NCAM2: variants seen among roughly 807,000 people sequenced by gnomAD.
The protein encoded by NCAM2 is neural cell adhesion molecule 2.
Under a neutral mutation model 98.1 loss-of-function variants are expected in NCAM2, and 30 were observed. That is an observed-to-expected ratio of 0.31 (90% CI 0.23 to 0.41). The LOEUF (loss-of-function observed/expected upper bound fraction) is 0.41. Ranked by LOEUF, NCAM2 falls within the 10% of genes least tolerant of loss-of-function variation. NCAM2 has a pLI of 1.00. For synonymous variants in NCAM2, 368 were observed against 342.4 expected (o/e 1.07, Z -0.83); for missense variants, 867 against 1,005.8 (o/e 0.86, Z 1.87).
chr21:21,253,215 G>A (rs1416537213), intron 1 of NCAM2, among the ~76,000 whole-genome samples: 2 of 152,128 alleles, frequency 1.3e-5, no homozygotes, highest in Non-Finnish European at 2.9e-5. Flanking sequence ...GGATGGTTAT[G>A]TTTCAAGTTT....
intron 1 of NCAM2, among the ~76,000 whole-genome samples, chr21:21,003,061 T>G (rs912668003): frequency 2.0e-5 from 3 of 152,170 alleles, no homozygotes; most frequent in Non-Finnish European, 2.9e-5. Flanking sequence ...GGTGCTCTTT[T>G]AAATATTTTA....
chr21:21,261,066 T>C (rs1035729107), intron 1 of NCAM2, among the ~76,000 whole-genome samples: 1 of 152,024 alleles, frequency 6.6e-6, no homozygotes, highest in African/African-American at 2.4e-5. Flanking sequence ...TTTTGTATCA[T>C]ATGTAACAGA....
intron 1 of NCAM2, among the ~76,000 whole-genome samples, chr21:21,242,817 C>G (rs1193051651): frequency 2.6e-5 from 4 of 152,016 alleles, no homozygotes; most frequent in African/African-American, 7.2e-5. Context: ...ATCATGTTAT[C>G]CATTTCTTTG....
At chr21:21,251,370 A>G (rs904083051) in intron 1 of NCAM2, among the ~76,000 whole-genome samples, 8 of 149,182 alleles carry the variant, frequency 5.4e-5, no homozygotes, top group African/African-American at 2.0e-4. Context: ...ATGTGTTCTC[A>G]TCATTCAGCT....
At chr21:21,482,552 T>C (rs1404651365) in intron 15 of NCAM2, among the ~76,000 whole-genome samples, 1 of 151,908 alleles carries the variant, frequency 6.6e-6, no homozygotes, top group Non-Finnish European at 1.5e-5. Flanking sequence ...ATTACTTATG[T>C]ATATTAGATA....
At chr21:21,332,304 G>A (rs779875851) in intron 6 of NCAM2, among the ~76,000 whole-genome samples, 24 of 152,158 alleles carry the variant, frequency 1.6e-4, no homozygotes, top group Non-Finnish European at 3.2e-4. Context: ...ATGCAGTTAA[G>A]TGACTTGGAA....
chr21:21,303,955 A>T (rs2073805700), intron 5 of NCAM2, among the ~76,000 whole-genome samples: 1 of 152,120 alleles, frequency 6.6e-6, no homozygotes, highest in Non-Finnish European at 1.5e-5. Flanking sequence ...CGTAGTTTTA[A>T]CTGGGCTGTT....
At chr21:21,274,679 CTAAA>C (rs538454605) in intron 1 of NCAM2, among the ~76,000 whole-genome samples, 6 of 152,026 alleles carry the variant, frequency 3.9e-5, no homozygotes, top group Admixed American at 2.6e-4. Context: ...TCTATAATTA[CTAAA>C]TAAATATCTT....
In NCAM2 at chr21:21,295,883, A is replaced by G. The variant is rs568557366; in HGVS notation, c.619+3642A>G. On this transcript the variant is annotated intron_variant, in intron 5 of 17. Coordinates refer to ENST00000400546, the MANE Select transcript of NCAM2 (RefSeq NM_004540.5). ...TCTTTAAACAATCAATTTAAGCACC[A>G]TCTGACCTAGGTGTACTTTTGAAAT... Among the ~76,000 whole-genome samples the G allele has an allele frequency of 1.1e-4, 16 of 151,734 alleles. No homozygotes were observed. In the South Asian group the frequency reaches 3.1e-3, roughly 30 times the overall value.
At chr21:21,100,465 T>G (rs2066217020) in intron 1 of NCAM2, among the ~76,000 whole-genome samples, 1 of 151,930 alleles carries the variant, frequency 6.6e-6, no homozygotes. Context: ...AGGTGGTGGT[T>G]GCCCCAGAAA....
At chr21:21,054,692 TA>T (rs2065179301) in intron 1 of NCAM2, among the ~76,000 whole-genome samples, 2 of 152,046 alleles carry the variant, frequency 1.3e-5, no homozygotes, top group African/African-American at 4.8e-5. Flanking sequence ...AAGTTTGACA[TA>T]ACATACTTTT....
chr21:21,330,120 CTTTT>C (rs987585566), intron 6 of NCAM2, among the ~76,000 whole-genome samples: 13 of 151,932 alleles, frequency 8.6e-5, no homozygotes, highest in African/African-American at 2.2e-4. Flanking sequence ...TCACTTATTT[CTTTT>C]TTGTTTCCTA....
At chr21:21,390,102 C>A (rs1309318725) in intron 9 of NCAM2, among the ~76,000 whole-genome samples, 1 of 152,178 alleles carries the variant, frequency 6.6e-6, no homozygotes, top group Non-Finnish European at 1.5e-5. Context: ...CCCTCCTCGG[C>A]CTCCCAAAGT....
intron 16 of NCAM2, among the ~76,000 whole-genome samples, chr21:21,526,173 G>C (rs75537352): frequency 0.1 from 15,893 of 152,002 alleles, 938 homozygotes; most frequent in East Asian, 0.16. Flanking sequence ...TATTGATTGG[G>C]AAGGAAGAAA....
intron 12 of NCAM2, among the ~76,000 whole-genome samples, chr21:21,440,511 A>T (rs186559318): frequency 8.1e-4 from 123 of 152,020 alleles, no homozygotes; most frequent in South Asian, 7.7e-3. Context: ...GCGAAACCTC[A>T]TATTGACAAA....
At chr21:21,382,467 C>A (rs567393737) in intron 9 of NCAM2, among the ~76,000 whole-genome samples, 1 of 151,216 alleles carries the variant, frequency 6.6e-6, no homozygotes, top group South Asian at 2.1e-4. Flanking sequence ...ACCCCATCAT[C>A]TCGTTTCTGC....
chr21:21,488,103 A>G (rs907358742), intron 15 of NCAM2, among the ~76,000 whole-genome samples: 10 of 152,148 alleles, frequency 6.6e-5, no homozygotes, highest in Admixed American at 2.0e-4. Context: ...TGTTTAATAT[A>G]TATGCAATTT....
At chr21:21,502,077 A>T (rs1241731749) in intron 15 of NCAM2, among the ~76,000 whole-genome samples, 1 of 151,918 alleles carries the variant, frequency 6.6e-6, no homozygotes, top group Non-Finnish European at 1.5e-5. Flanking sequence ...GTTTTGCTTG[A>T]CTATATTAAG....
intron 1 of NCAM2, among the ~76,000 whole-genome samples, chr21:21,123,848 C>CTTTTGTTTTTTTT (rs2066728099): frequency 1.2e-5 from 1 of 86,656 alleles, no homozygotes; most frequent in Non-Finnish European, 2.0e-5. Context: ...TTCTTGATTG[C>CTTTTGTTTTTTTT]TTTTTTTTTT....
Sources: allele counts gnomAD v4.1 joint callset (sites outside exome capture counted in the v4.1 genomes callset), GRCh38; gene constraint gnomAD v4.1.1; transcripts MANE v1.5; gene names NCBI Gene and HGNC (gene_info 2026-07-23, HGNC 2026-07-21).